GMDS: variants seen among roughly 807,000 people sequenced by gnomAD.
The protein encoded by GMDS is GDP-mannose 4,6-dehydratase.
In GMDS, 20 loss-of-function variants were observed where a neutral mutation model predicts 49.9. That is an observed-to-expected ratio of 0.40 (90% CI 0.28 to 0.58). The LOEUF is 0.58. Ranked by LOEUF, GMDS falls within the 20% of genes least tolerant of loss-of-function variation. The pLI, the probability that GMDS is intolerant of heterozygous loss-of-function variation, is 0.42. For synonymous variants in GMDS, 177 were observed against 178.6 expected, an observed-to-expected ratio of 0.99 and a Z score of 0.07; for missense variants, 362 against 481.4, an observed-to-expected ratio of 0.75 and a Z score of 2.32.
rs56095985 is a variant in GMDS, at chr6:1,969,289, A to AAAAAAAAAAAAAAG, written c.346-8324_346-8323insCTTTTTTTTTTTTT. On this transcript the variant is annotated intron_variant, in intron 4 of 10. Coordinates refer to ENST00000380815, the MANE Select transcript of GMDS (RefSeq NM_001500.4). ...AAAAAAAAAAAAAAAAAAAAAAAAA[A>AAAAAAAAAAAAAAG]AGAGAAAGAAAGAAAAAAAGAAATT... 3.6e-4 allele frequency among the ~76,000 whole-genome samples: 30 copies of AAAAAAAAAAAAAAG among 84,358 alleles called. 3 individuals are homozygous for AAAAAAAAAAAAAAG. Among genetic ancestry groups the AAAAAAAAAAAAAAG allele is most frequent in the Non-Finnish European group, 4.2e-4 (18 of 43,286 alleles). 55.3% of individuals were successfully genotyped at this position (84,358 alleles called of 152,430 possible).
intron 6 of GMDS, among the ~76,000 whole-genome samples, chr6:1,946,844 G>C (rs1013040919): frequency 4.6e-5 from 7 of 152,192 alleles, no homozygotes; most frequent in African/African-American, 1.7e-4. Flanking sequence ...TTGGGCAGGA[G>C]TGCCAAGAAG....
At chr6:1,919,773 G>A (rs1007647516) in intron 7 of GMDS, among the ~76,000 whole-genome samples, 4 of 152,196 alleles carry the variant, frequency 2.6e-5, no homozygotes, top group African/African-American at 9.7e-5. Flanking sequence ...CAGCAAGTCA[G>A]TGTTAAACAT....
intron 1 of GMDS, among the ~76,000 whole-genome samples, chr6:2,224,571 TTA>T (rs1780736239): frequency 6.6e-6 from 1 of 152,262 alleles, no homozygotes; most frequent in African/African-American, 2.4e-5. Flanking sequence ...ACATATAATT[TTA>T]TAGTTATAGG....
At chr6:1,875,262 T>C (rs1027071623) in intron 7 of GMDS, among the ~76,000 whole-genome samples, 5 of 152,074 alleles carry the variant, frequency 3.3e-5, no homozygotes, top group African/African-American at 1.2e-4. Flanking sequence ...ATTCACATAT[T>C]TGAATAACTC....
intron 4 of GMDS, among the ~76,000 whole-genome samples, chr6:2,004,259 T>C (rs2127386029): frequency 1.3e-5 from 2 of 152,342 alleles, no homozygotes; most frequent in Middle Eastern, 6.8e-3. Context: ...GTGATACAGA[T>C]TTAAAGCAGC....
At chr6:2,117,400 C>T in intron 3 of GMDS, 69 bp downstream of exon 3, 3 of 910,840 alleles carry the variant, frequency 3.3e-6, no homozygotes, top group Non-Finnish European at 5.5e-6. Context: ...TTGAAAACAC[C>T]TTATCTGAAC....
In GMDS at chr6:1,821,408, A is replaced by AGG. The variant is rs574463650; in HGVS notation, c.772-78824_772-78823dup. Reference sequence around the variant, plus strand: ...GGGGCAGCTCGCTGTCGTGGGCTTTAGGGAGCAAACTCTGCCAAGCTGGGA... The same window carrying AGG: ...GGGGCAGCTCGCTGTCGTGGGCTTTAGGGGGAGCAAACTCTGCCAAGCTGGGA... On this transcript the variant is annotated intron_variant, in intron 7 of 10. Transcript: ENST00000380815. 8.6e-3 allele frequency among the ~76,000 whole-genome samples: 1,301 copies of AGG among 152,092 alleles called. 12 individuals are homozygous for AGG. Among genetic ancestry groups the AGG allele is most frequent in the Non-Finnish European group, 0.011 (776 of 67,980 alleles).
At chr6:1,647,492 T>C (rs193024430) in intron 9 of GMDS, among the ~76,000 whole-genome samples, 17 of 152,352 alleles carry the variant, frequency 1.1e-4, no homozygotes, top group Non-Finnish European at 2.1e-4. Context: ...CCTTCAGCTA[T>C]ACCAGAGGAT....
chr6:1,966,769 C>T (rs1429706115), intron 4 of GMDS, among the ~76,000 whole-genome samples: 2 of 152,192 alleles, frequency 1.3e-5, no homozygotes, highest in East Asian at 3.9e-4. Flanking sequence ...TCTTCTTTCC[C>T]ATGGCCCCTC....
At chr6:1,906,845 C>T (rs1437964826) in intron 7 of GMDS, among the ~76,000 whole-genome samples, 1 of 152,180 alleles carries the variant, frequency 6.6e-6, no homozygotes, top group African/African-American at 2.4e-5. Flanking sequence ...AAAGCACAGG[C>T]TGCAAGGTCC....
intron 4 of GMDS, among the ~76,000 whole-genome samples, chr6:2,103,177 C>G (rs193280496): frequency 6.6e-6 from 1 of 152,146 alleles, no homozygotes. Flanking sequence ...CCTCGCAAAC[C>G]GCATTCCCTT....
chr6:2,189,732 G>A (rs554154253), intron 1 of GMDS, among the ~76,000 whole-genome samples: 45 of 152,322 alleles, frequency 3.0e-4, no homozygotes, highest in Middle Eastern at 3.4e-3. Flanking sequence ...TCTCACATTT[G>A]AAAATAATTA....
At chr6:2,012,005 C>T (rs1263096406) in intron 4 of GMDS, among the ~76,000 whole-genome samples, 1 of 152,096 alleles carries the variant, frequency 6.6e-6, no homozygotes, top group Non-Finnish European at 1.5e-5. Context: ...AGTGAAATAG[C>T]TCAGAAACAG....
intron 7 of GMDS, among the ~76,000 whole-genome samples, chr6:1,846,656 A>T (rs373990987): frequency 5.3e-5 from 8 of 152,302 alleles, no homozygotes; most frequent in African/African-American, 1.4e-4. Flanking sequence ...GTTTCCCCCA[A>T]TGAAGGTGAA....
intron 6 of GMDS, among the ~76,000 whole-genome samples, chr6:1,936,783 G>A (rs544241804): frequency 7.9e-5 from 12 of 152,056 alleles, no homozygotes; most frequent in South Asian, 6.2e-4. Flanking sequence ...CCTGGCCAAC[G>A]TGGTAAAACC....
intron 9 of GMDS, among the ~76,000 whole-genome samples, chr6:1,725,262 C>G (rs546561419): frequency 1.5e-4 from 23 of 152,234 alleles, no homozygotes; most frequent in Admixed American, 1.4e-3. Flanking sequence ...GAGGATGGAC[C>G]TCATTAAAGC....
At position 1,740,683 on chromosome 6, in the gene GMDS, G is replaced by A. The variant is rs75507153; in HGVS notation, c.890+1785C>T. 3.3e-3 allele frequency among the ~76,000 whole-genome samples: 450 copies of A among 136,026 alleles called. 6 individuals are homozygous for A. The highest frequency in any genetic ancestry group is 0.014 in the South Asian group (58 of 4,142). 89.2% of individuals were successfully genotyped at this position (136,026 alleles called of 152,430 possible). ...ATTTTTCAGTCCACAAGAGAAGAAG[G>A]CCAATTTTTTTTTTTGAAAAATGAG... On this transcript the variant is annotated intron_variant, in intron 8 of 10. Transcript: ENST00000380815.
chr6:1,750,122 G>C (rs1329991759), intron 7 of GMDS, among the ~76,000 whole-genome samples: 1 of 152,154 alleles, frequency 6.6e-6, no homozygotes, highest in African/African-American at 2.4e-5. Flanking sequence ...TGAGCCACCA[G>C]CCTCAAATTA....
chr6:2,065,241 T>A (rs535954467), intron 4 of GMDS, among the ~76,000 whole-genome samples: 777 of 147,698 alleles, frequency 5.3e-3, no homozygotes, highest in Middle Eastern at 0.01. Context: ...ACTAACAAAC[T>A]GAAAGGACAT....
Sources: gnomAD v4.1 joint callset for allele counts (sites outside exome capture counted in the v4.1 genomes callset) on GRCh38, gnomAD v4.1.1 for gene constraint, MANE v1.5 for transcripts, NCBI Gene and HGNC (gene_info 2026-07-23, HGNC 2026-07-21) for gene names.